The following IQCM variants were observed in gnomAD, a reference collection of about 807,000 sequenced individuals.
IQCM encodes IQ domain-containing protein M.
IQCM carries 45 observed loss-of-function variants against 57.6 expected under a neutral mutation model. That is an observed-to-expected ratio of 0.78 (90% confidence interval 0.62 to 1.00). IQCM has a LOEUF of 1.00. IQCM is among the 50% of genes least tolerant of loss of function. The pLI is 0.00. For synonymous variants in IQCM, 148 were observed against 158.9 expected, an observed-to-expected ratio of 0.93 and a Z score of 0.51; for missense variants, 468 against 511.6, an observed-to-expected ratio of 0.91 and a Z score of 0.82.
chr4:149,605,480 A>C (rs188622051), intron 8 of IQCM, among the ~76,000 whole-genome samples: 85 of 152,294 alleles, frequency 5.6e-4, no homozygotes, highest in African/African-American at 2.0e-3. Context: ...AGAATAGTTG[A>C]ATATACATCT....
chr4:149,460,177 T>G (rs1738124760), intron 12 of IQCM, among the ~76,000 whole-genome samples: 1 of 152,146 alleles, frequency 6.6e-6, no homozygotes. Context: ...ATTAGTAAGG[T>G]CAAGCATCTT....
chr4:149,375,732 C>A (rs1395842723), intron 13 of IQCM, among the ~76,000 whole-genome samples: 6 of 152,008 alleles, frequency 3.9e-5, no homozygotes, highest in Admixed American at 3.9e-4. Flanking sequence ...TTCTTCCTCC[C>A]GGTTTATGTT....
chr4:149,418,970 C>G (rs1045112373), intron 13 of IQCM, among the ~76,000 whole-genome samples: 1 of 151,714 alleles, frequency 6.6e-6, no homozygotes, highest in African/African-American at 2.4e-5. Flanking sequence ...GAACTACAAA[C>G]CTGCTCAAAG....
chr4:149,657,500 A>G, intron 7 of IQCM, among the ~76,000 whole-genome samples: 1 of 152,126 alleles, frequency 6.6e-6, no homozygotes, highest in East Asian at 1.9e-4. Flanking sequence ...CAACAGACAG[A>G]ATTCATCTCC....
intron 7 of IQCM, among the ~76,000 whole-genome samples, chr4:149,635,349 A>G (rs1369972964): frequency 6.6e-6 from 1 of 152,198 alleles, no homozygotes; most frequent in African/African-American, 2.4e-5. Context: ...CTTATTAGCT[A>G]TCTTCTCAAC....
chr4:149,382,283 T>C (rs1208984416), intron 13 of IQCM, among the ~76,000 whole-genome samples: 1 of 152,052 alleles, frequency 6.6e-6, no homozygotes, highest in Non-Finnish European at 1.5e-5. Flanking sequence ...GGGGGTGCAG[T>C]TGGGGAAATG....
intron 11 of IQCM, among the ~76,000 whole-genome samples, chr4:149,550,166 G>A (rs1482857705): frequency 6.6e-6 from 1 of 152,150 alleles, no homozygotes; most frequent in African/African-American, 2.4e-5. Flanking sequence ...CACTGACTCA[G>A]GGGAGTTGGT....
At chr4:149,583,467 C>T (rs1752388303) in intron 9 of IQCM, among the ~76,000 whole-genome samples, 1 of 151,418 alleles carries the variant, frequency 6.6e-6, no homozygotes, top group Admixed American at 6.6e-5. Flanking sequence ...ATATTCTATA[C>T]CTGGAAATCA....
chr4:149,370,822 C>A (rs1377933013), intron 13 of IQCM, among the ~76,000 whole-genome samples: 1 of 151,396 alleles, frequency 6.6e-6, no homozygotes, highest in Non-Finnish European at 1.5e-5. Context: ...CAACACACAA[C>A]CCTACTCCTC....
chr4:149,737,910 CTTACAATTACTTTAA>C (rs1767088833), intron 3 of IQCM, among the ~76,000 whole-genome samples: 2 of 152,128 alleles, frequency 1.3e-5, no homozygotes, highest in South Asian at 4.1e-4. Flanking sequence ...TCAAATATCC[CTTACAATTACTTTAA>C]TTACAATCAC....
intron 13 of IQCM, among the ~76,000 whole-genome samples, chr4:149,352,346 G>C (rs1343793995): frequency 6.6e-6 from 1 of 152,092 alleles, no homozygotes; most frequent in African/African-American, 2.4e-5. Context: ...TGTATCTGTG[G>C]GTTCCCTGGT....
intron 12 of IQCM, among the ~76,000 whole-genome samples, chr4:149,546,826 T>G (rs1473760981): frequency 5.9e-5 from 9 of 152,134 alleles, no homozygotes; most frequent in Non-Finnish European, 8.8e-5. Context: ...TTAGTTTAAT[T>G]AGATCCCATT....
At chr4:149,388,433 C>A (rs994131764) in intron 13 of IQCM, among the ~76,000 whole-genome samples, 1 of 148,498 alleles carries the variant, frequency 6.7e-6, no homozygotes, top group Non-Finnish European at 1.5e-5. Context: ...ATTTTCATTT[C>A]CCTAAAGACT....
intron 12 of IQCM, among the ~76,000 whole-genome samples, chr4:149,544,351 AAC>A (rs1399776718): frequency 1.3e-5 from 2 of 152,206 alleles, no homozygotes; most frequent in Non-Finnish European, 2.9e-5. Context: ...TAATAAATTT[AAC>A]CCAAGAGGTT....
intron 7 of IQCM, among the ~76,000 whole-genome samples, chr4:149,679,815 T>C (rs982784742): frequency 2.0e-5 from 3 of 151,456 alleles, no homozygotes; most frequent in Admixed American, 1.3e-4. Context: ...TAAATTATTA[T>C]GTAGAGTTAT....
chr4:149,546,960 C>T (rs1256079037), intron 12 of IQCM, among the ~76,000 whole-genome samples: 1 of 152,160 alleles, frequency 6.6e-6, no homozygotes, highest in Non-Finnish European at 1.5e-5. Flanking sequence ...TTAGGTCTAA[C>T]ATTTAAGTCT....
intron 13 of IQCM, among the ~76,000 whole-genome samples, chr4:149,409,603 A>G (rs1361608663): frequency 6.6e-6 from 1 of 152,218 alleles, no homozygotes; most frequent in East Asian, 1.9e-4. Context: ...ATAGGGTGTA[A>G]CTGTTTTTAT....
chr4:149,612,565 G>A (rs542000335), intron 8 of IQCM, among the ~76,000 whole-genome samples: 1 of 152,136 alleles, frequency 6.6e-6, no homozygotes, highest in African/African-American at 2.4e-5. Flanking sequence ...ACTAAAAGTA[G>A]CAAAGCAGGA....
At chr4:149,648,140 C>T (rs1758812870) in intron 7 of IQCM, among the ~76,000 whole-genome samples, 1 of 152,082 alleles carries the variant, frequency 6.6e-6, no homozygotes. Flanking sequence ...TTTATTTAAA[C>T]ACATGGAATA....
Sources: allele counts gnomAD v4.1 joint callset (sites outside exome capture counted in the v4.1 genomes callset), GRCh38; gene constraint gnomAD v4.1.1; transcripts MANE v1.5; gene names NCBI Gene and HGNC (gene_info 2026-07-23, HGNC 2026-07-21).